SRGAP1: variants seen among roughly 807,000 people sequenced by gnomAD.
The protein encoded by SRGAP1 is SLIT-ROBO Rho GTPase activating protein 1.
Under a neutral mutation model 121.9 loss-of-function variants are expected in SRGAP1, and 43 were observed. The ratio of observed to expected loss-of-function variants is 0.35; its 90% CI spans 0.28 to 0.46. The LOEUF (loss-of-function observed/expected upper bound fraction) is 0.46, where lower values mean the gene tolerates loss of function less well. SRGAP1 is among the 20% of genes least tolerant of loss of function. The pLI, the probability that SRGAP1 is intolerant of heterozygous loss-of-function variation, is 1.00. For synonymous variants in SRGAP1, 447 were observed against 485.4 expected (o/e 0.92, Z 1.04); for missense variants, 1,102 against 1,350.9 (o/e 0.82, Z 2.89).
In SRGAP1 at chr12:64,020,093, T is replaced by C. The variant is rs146950640; in HGVS notation, c.489+3081T>C. Among the ~76,000 whole-genome samples the C allele has an allele frequency of 5.4e-4, 82 of 152,228 alleles. 1 individual carries two copies. The East Asian group carries it at 0.015, about 27-fold the overall frequency. ...TGACAGCCTTATGTTTGGACTTCCT[T>C]ACCCCAGAATATTGCTCCCACAGCA... On this transcript the variant is annotated intron_variant, in intron 4 of 21. Transcript: ENST00000355086.
intron 11 of SRGAP1, among the ~76,000 whole-genome samples, chr12:64,089,811 C>G (rs1469975463): frequency 6.6e-6 from 1 of 152,118 alleles, no homozygotes; most frequent in Non-Finnish European, 1.5e-5. Context: ...TCATATGAGC[C>G]CATCTGCTGG....
At chr12:63,897,572 A>T (rs2136302804) in intron 1 of SRGAP1, among the ~76,000 whole-genome samples, 1 of 152,254 alleles carries the variant, frequency 6.6e-6, no homozygotes, top group African/African-American at 2.4e-5. Flanking sequence ...TTAGGCCGTA[A>T]CTCCGACATG....
intron 1 of SRGAP1, among the ~76,000 whole-genome samples, chr12:63,970,649 A>C (rs1034142436): frequency 2.0e-5 from 3 of 152,162 alleles, no homozygotes; most frequent in African/African-American, 7.2e-5. Context: ...ATTTAAATCT[A>C]ATTATATTGA....
At position 63,844,751 on chromosome 12, in the gene SRGAP1, A is replaced by G. The variant is rs749477208; in HGVS notation, c.-66A>G. 5 of 1,522,566 alleles carry G rather than the reference A, an allele frequency of 3.3e-6. No individual in the cohort carries two copies. Among genetic ancestry groups the G allele is most frequent in the African/African-American group, 1.4e-5 (1 of 73,004 alleles). The allele number at this position is 1,522,566 out of a possible 1,614,324, so 94.3% of individuals were successfully genotyped here. ...GTGGGAGTACAACTCTGCCTCTCCA[A>G]GGAGAACGGGTTGTGACCACTGAAC... On this transcript the variant is annotated 5_prime_UTR_variant, in exon 1 of 22. Coordinates refer to ENST00000355086, the MANE Select transcript of SRGAP1 (RefSeq NM_020762.4). This position sits in a 1 kb window ranked among gnomAD's most constrained non-coding sequence, Gnocchi z 4.3.
intron 6 of SRGAP1, among the ~76,000 whole-genome samples, chr12:64,059,397 T>C (rs2035404574): frequency 6.6e-6 from 1 of 152,174 alleles, no homozygotes; most frequent in African/African-American, 2.4e-5. Flanking sequence ...TCTGTCTTTC[T>C]CTTTTAAGTT....
intron 1 of SRGAP1, among the ~76,000 whole-genome samples, chr12:63,866,523 T>A (rs1039235084): frequency 1.3e-5 from 2 of 152,182 alleles, no homozygotes; most frequent in Non-Finnish European, 2.9e-5. Flanking sequence ...AAATGATGTA[T>A]AACATAACCA....
intron 3 of SRGAP1, among the ~76,000 whole-genome samples, chr12:64,005,841 C>T (rs2034064889): frequency 6.6e-6 from 1 of 151,978 alleles, no homozygotes; most frequent in South Asian, 2.1e-4. Flanking sequence ...TTACTGAAAT[C>T]AGCTTTTTCC....
intron 1 of SRGAP1, among the ~76,000 whole-genome samples, chr12:63,849,670 A>G (rs1221177878): frequency 6.6e-6 from 1 of 152,206 alleles, no homozygotes; most frequent in Admixed American, 6.5e-5. Context: ...TCTGCATCTT[A>G]CATTCTTTCT....
chr12:64,037,870 G>A (rs576895108), intron 4 of SRGAP1, among the ~76,000 whole-genome samples: 169 of 152,336 alleles, frequency 1.1e-3, no homozygotes, highest in African/African-American at 3.8e-3. Flanking sequence ...TGGGTGGTAA[G>A]CACCAAGCAC....
rs2037090868 is a variant in SRGAP1 at position 64,148,965 on chromosome 12, T to C, written c.*6293T>C. 6.6e-6 allele frequency: 1 copy of C among 152,240 alleles called. No individual in the cohort carries two copies. Among genetic ancestry groups the C allele is most frequent in the Non-Finnish European group, 1.5e-5 (1 of 68,046 alleles). The allele number at this position is 152,240 out of a possible 1,614,324, so 9.4% of individuals were successfully genotyped here. A position where few individuals can be genotyped will look rare whatever the true frequency, so the allele number is the denominator to read the frequency against. ...TCTATAAATGGGTTCATACAGTATG[T>C]AGATTTTGTGTCTGGCTCCTTTTGT... On this transcript the variant is annotated 3_prime_UTR_variant, in exon 22 of 22. Transcript: ENST00000355086.
rs138933757 is a variant in SRGAP1 at position 64,156,999 on chromosome 12, T to C, written c.*14327T>C. 162 of 152,178 alleles carry C rather than the reference T, an allele frequency of 1.1e-3. No homozygotes were observed. The highest frequency in any genetic ancestry group is 1.8e-3 in the Admixed American group (27 of 15,272). 9.4% of individuals were successfully genotyped at this position (152,178 alleles called of 1,614,324 possible). A position where few individuals can be genotyped will look rare whatever the true frequency, so the allele number is the denominator to read the frequency against. The stretch of plus-strand genomic sequence containing the variant: ...TGGGACCAGAAAGCGGATGGTTTGA[T>C]ATGGTAGCTGCACTTCTAAAAAAAA... On this transcript the variant is annotated 3_prime_UTR_variant, in exon 22 of 22. Coordinates refer to ENST00000355086, the MANE Select transcript of SRGAP1 (RefSeq NM_020762.4).
intron 6 of SRGAP1, among the ~76,000 whole-genome samples, chr12:64,052,257 A>G (rs2035251196): frequency 6.6e-6 from 1 of 152,108 alleles, no homozygotes; most frequent in South Asian, 2.1e-4. Context: ...TATCAGTAAC[A>G]TTAAAAGGAA....
chr12:63,999,193 G>C (rs2033804814), intron 3 of SRGAP1, among the ~76,000 whole-genome samples: 1 of 152,166 alleles, frequency 6.6e-6, no homozygotes, highest in South Asian at 2.1e-4. Flanking sequence ...GGAGGAAAAA[G>C]GTGTTCTTTG....
intron 4 of SRGAP1, among the ~76,000 whole-genome samples, chr12:64,040,718 G>A (rs1003490536): frequency 1.3e-5 from 2 of 152,082 alleles, no homozygotes; most frequent in African/African-American, 2.4e-5. Context: ...CCGATTTATA[G>A]GTACCGTTAT....
At chr12:64,112,157 T>C (rs1487401907) in intron 17 of SRGAP1, among the ~76,000 whole-genome samples, 171 bp downstream of exon 17, 1 of 152,218 alleles carries the variant, frequency 6.6e-6, no homozygotes, top group Non-Finnish European at 1.5e-5. Context: ...TGGAAACTCA[T>C]ATTCATCCCT....
chr12:63,911,314 AAAAG>A (rs2030490350), intron 1 of SRGAP1, among the ~76,000 whole-genome samples: 2 of 151,686 alleles, frequency 1.3e-5, no homozygotes, highest in Non-Finnish European at 2.9e-5. Flanking sequence ...AAAAAAAAAA[AAAAG>A]AAAAGAAAAC....
At chr12:63,930,080 C>G (rs576632615) in intron 1 of SRGAP1, among the ~76,000 whole-genome samples, 11 of 152,206 alleles carry the variant, frequency 7.2e-5, no homozygotes, top group African/African-American at 2.4e-4. Flanking sequence ...ATAGGAACGC[C>G]TTTACACTGT....
chr12:64,126,447 C>G (rs2036689091), intron 19 of SRGAP1, among the ~76,000 whole-genome samples: 1 of 152,148 alleles, frequency 6.6e-6, no homozygotes, highest in Admixed American at 6.5e-5. Flanking sequence ...TTGGTAATTC[C>G]AAAAACAGCA....
At chr12:64,040,703 A>G (rs1333787163) in intron 4 of SRGAP1, among the ~76,000 whole-genome samples, 1 of 152,234 alleles carries the variant, frequency 6.6e-6, no homozygotes, top group Admixed American at 6.5e-5. Context: ...TACAGAGATT[A>G]CATACCGATT....
Sources: allele counts gnomAD v4.1 joint callset (sites outside exome capture counted in the v4.1 genomes callset), GRCh38; gene constraint gnomAD v4.1.1; non-coding constraint Gnocchi (gnomAD v3.1); transcripts MANE v1.5; gene names NCBI Gene and HGNC (gene_info 2026-07-23, HGNC 2026-07-21).